Variants in DDAH1 observed in about 807,000 individuals in gnomAD.
DDAH1 encodes dimethylarginine dimethylaminohydrolase 1.
A neutral mutation model predicts 28.8 loss-of-function variants in DDAH1; 19 were observed. The ratio of observed to expected loss-of-function variants is 0.66; its 90% CI spans 0.46 to 0.97. The LOEUF (loss-of-function observed/expected upper bound fraction) is 0.97, where lower values mean the gene tolerates loss of function less well. Ranked by LOEUF, DDAH1 falls within the 50% of genes least tolerant of loss-of-function variation. DDAH1 has a pLI of 0.00. For synonymous variants in DDAH1, 153 were observed against 154.4 expected (o/e 0.99, Z 0.07); for missense variants, 326 against 375.9 (o/e 0.87, Z 1.10).
chr1:85,429,191 G>T, intron 1 of DDAH1, among the ~76,000 whole-genome samples: 1 of 145,766 alleles, frequency 6.9e-6, no homozygotes, highest in African/African-American at 2.6e-5. Context: ...GCAGGCCCCT[G>T]TGTGTGATGT....
Position 85,481,098 on chromosome 1 carries a change from G to GTTTT in DDAH1, c.-7+15064_-7+15067dup, listed in dbSNP as rs71075839. Among the ~76,000 whole-genome samples the GTTTT allele has an allele frequency of 7.7e-3, 869 of 113,446 alleles. 23 individuals carry two copies. The highest frequency in any genetic ancestry group is 0.011 in the Non-Finnish European group (607 of 54,826). The allele number at this position is 113,446 out of a possible 152,430, so 74.4% of individuals were successfully genotyped here. On this transcript the variant is annotated intron_variant, in intron 2 of 6. Transcript: ENST00000426972. ...TAAAAATCATTTCTTTGGGTTTTTT[G>GTTTT]TTTTTTTTTTTTTTTTTGAGATGGA...
intron 2 of DDAH1, among the ~76,000 whole-genome samples, chr1:85,473,564 T>A (rs1655692237): frequency 6.6e-6 from 1 of 152,176 alleles, no homozygotes; most frequent in Non-Finnish European, 1.5e-5. Flanking sequence ...CTTCATTTTC[T>A]TACGAAGCAC....
chr1:85,360,036 C>G lies in DDAH1; in HGVS notation c.304-1189G>C, dbSNP rs187292251. On this transcript the variant is annotated intron_variant, in intron 1 of 5. Transcript: ENST00000284031. The stretch of plus-strand genomic sequence containing the variant: ...AATAGGGGACAAGGGAACAAGAGAT[C>G]ACATCACACTGGGCAAAGCAGGTAG... 1.5e-4 allele frequency among the ~76,000 whole-genome samples: 23 copies of G among 152,268 alleles called. No individual in the cohort carries two copies. In the East Asian group the frequency reaches 3.1e-3, roughly 20 times the overall value.
At chr1:85,485,651 A>G (rs978152703) in intron 2 of DDAH1, among the ~76,000 whole-genome samples, 1 of 152,180 alleles carries the variant, frequency 6.6e-6, no homozygotes, top group Non-Finnish European at 1.5e-5. Flanking sequence ...GCTCAAATGT[A>G]TACTGAACTC....
At chr1:85,346,196 G>A (rs1648831255) in intron 4 of DDAH1, among the ~76,000 whole-genome samples, 1 of 152,178 alleles carries the variant, frequency 6.6e-6, no homozygotes, top group Admixed American at 6.5e-5. Context: ...AAGTAATCAA[G>A]CTTTCGGTGT....
At position 85,319,758 on chromosome 1, in the gene DDAH1, C is replaced by G. The variant is rs1661243836; in HGVS notation, c.*1694G>C. ...TGGCATGAATTAAAAAGTTAAGCAACAAGGAAGAGAAGGAGGAGAAAAAAA... is the reference window on the plus strand; with the variant it reads ...TGGCATGAATTAAAAAGTTAAGCAAGAAGGAAGAGAAGGAGGAGAAAAAAA... On this transcript the variant is annotated 3_prime_UTR_variant, in exon 6 of 6. Transcript: ENST00000284031. 6.6e-6 allele frequency: 1 copy of G among 151,994 alleles called. No individual in the cohort carries two copies. The highest frequency in any genetic ancestry group is 1.5e-5 in the Non-Finnish European group (1 of 68,022). 9.4% of individuals were successfully genotyped at this position (151,994 alleles called of 1,614,324 possible).
rs13375203 is a variant in DDAH1, at chr1:85,360,803, T to C, written c.304-1956A>G. Among the ~76,000 whole-genome samples the C allele has an allele frequency of 4.8e-3, 726 of 152,318 alleles. 5 individuals are homozygous for C. Among genetic ancestry groups the C allele is most frequent in the African/African-American group, 0.016 (683 of 41,568 alleles). ...ACATCTCTTTAAATGTCCTATGTCTTTGAAAATTAAAAAGTTTTAGAGGAT... is the reference window on the plus strand; with the variant it reads ...ACATCTCTTTAAATGTCCTATGTCTCTGAAAATTAAAAAGTTTTAGAGGAT... On this transcript the variant is annotated intron_variant, in intron 1 of 5. Coordinates refer to ENST00000284031, the MANE Select transcript of DDAH1 (RefSeq NM_012137.4).
chr1:85,485,876 G>A (rs759257615), intron 2 of DDAH1, among the ~76,000 whole-genome samples: 2 of 152,132 alleles, frequency 1.3e-5, no homozygotes, highest in Non-Finnish European at 2.9e-5. Flanking sequence ...CAAAAGATGG[G>A]CTTATCTCTG....
intron 1 of DDAH1, among the ~76,000 whole-genome samples, chr1:85,385,393 C>T (rs774770822): frequency 1.3e-5 from 2 of 152,196 alleles, no homozygotes; most frequent in Non-Finnish European, 2.9e-5. Flanking sequence ...TAAATTATAG[C>T]TTACTGACTG....
At chr1:85,403,511 C>A (rs904655455) in intron 1 of DDAH1, among the ~76,000 whole-genome samples, 2 of 152,072 alleles carry the variant, frequency 1.3e-5, no homozygotes, top group African/African-American at 4.8e-5. Flanking sequence ...TTGGAACTCT[C>A]AGCACTTTAC....
chr1:85,356,202 T>C (rs1007017037), intron 2 of DDAH1, among the ~76,000 whole-genome samples: 7 of 152,232 alleles, frequency 4.6e-5, no homozygotes, highest in Admixed American at 3.3e-4. Flanking sequence ...ATGTACTCTA[T>C]ATTTCACAAA....
chr1:85,374,238 G>A (rs1032474932), intron 1 of DDAH1, among the ~76,000 whole-genome samples: 4 of 152,008 alleles, frequency 2.6e-5, no homozygotes, highest in Non-Finnish European at 5.9e-5. Context: ...ATACTTCCCT[G>A]GGCTATTATT....
intron 1 of DDAH1, among the ~76,000 whole-genome samples, chr1:85,422,141 G>T (rs892643438): frequency 2.6e-5 from 4 of 151,964 alleles, no homozygotes; most frequent in Non-Finnish European, 5.9e-5. Context: ...ATTTTAATTT[G>T]CAACTCCTTA....
chr1:85,518,389 C>G (rs1191770348), intron 1 of DDAH1, among the ~76,000 whole-genome samples: 7 of 152,180 alleles, frequency 4.6e-5, no homozygotes, highest in Non-Finnish European at 1.0e-4. Context: ...ATCCCTTTCC[C>G]TGCTCGTTCA....
intron 1 of DDAH1, among the ~76,000 whole-genome samples, chr1:85,548,502 A>G (rs1033127593): frequency 2.3e-4 from 35 of 152,218 alleles, no homozygotes; most frequent in African/African-American, 7.2e-4. Context: ...GTGGATGTTT[A>G]TCCATAAAAT....
intron 1 of DDAH1, among the ~76,000 whole-genome samples, chr1:85,363,906 C>CTTTT (rs71819142): frequency 0.01 from 1,324 of 130,562 alleles, 21 homozygotes; most frequent in African/African-American, 0.036. Context: ...TGGATGTCAA[C>CTTTT]TTTTTTTTTT....
intron 1 of DDAH1, among the ~76,000 whole-genome samples, chr1:85,428,929 G>A (rs1315140392): frequency 6.6e-6 from 1 of 152,104 alleles, no homozygotes. Flanking sequence ...ACAAGCCAAG[G>A]TGGCAATTGT....
At chr1:85,349,211 T>C (rs985250316) in intron 4 of DDAH1, among the ~76,000 whole-genome samples, 2 of 152,110 alleles carry the variant, frequency 1.3e-5, no homozygotes, top group African/African-American at 4.8e-5. Context: ...ATGATACAAA[T>C]CAAATTCTGA....
chr1:85,374,144 T>A (rs1254417127), intron 1 of DDAH1, among the ~76,000 whole-genome samples: 1 of 152,124 alleles, frequency 6.6e-6, no homozygotes, highest in Non-Finnish European at 1.5e-5. Flanking sequence ...GGAAGCTGTA[T>A]TACCAGAGTC....
Sources: gnomAD v4.1 joint callset for allele counts (sites outside exome capture counted in the v4.1 genomes callset) on GRCh38, gnomAD v4.1.1 for gene constraint, MANE v1.5 for transcripts, NCBI Gene and HGNC (gene_info 2026-07-23, HGNC 2026-07-21) for gene names.